The following CCDC136 variants were observed in gnomAD, a reference collection of about 807,000 sequenced individuals.
The protein encoded by CCDC136 is coiled-coil domain-containing protein 136.
CCDC136 carries 100 observed loss-of-function variants against 141.2 expected under a neutral mutation model. The ratio of observed to expected loss-of-function variants is 0.71; its 90% CI spans 0.60 to 0.84. CCDC136 has a LOEUF of 0.84. Ranked by LOEUF, CCDC136 falls within the 40% of genes least tolerant of loss-of-function variation. CCDC136 has a pLI of 0.00. For synonymous variants in CCDC136, 474 were observed against 531.9 expected, an observed-to-expected ratio of 0.89 and a Z score of 1.50; for missense variants, 1,206 against 1,379.4, an observed-to-expected ratio of 0.87 and a Z score of 1.99.
At chr7:128,808,267 C>T (rs1805174867) in intron 10 of CCDC136, among the ~76,000 whole-genome samples, 1 of 152,164 alleles carries the variant, frequency 6.6e-6, no homozygotes. Context: ...GAACTCCTGA[C>T]CTCAGGTGAT....
In CCDC136 at chr7:128,805,363, CAG is replaced by C; in HGVS notation, c.792_793del (p.Arg264SerfsTer29). On this transcript the variant is annotated frameshift_variant, in exon 6 of 18. Transcript: ENST00000297788. LOFTEE classifies it high-confidence loss of function. The surrounding 1 kb of genome is among the most constrained non-coding windows in gnomAD (Gnocchi z 4.6). Reference sequence around the variant, plus strand: ...CTCTGCGGTTCTGAATTGCAGGACACAGAGAGCAACAGAGAGATGGCTGCAGT... The same window carrying C: ...CTCTGCGGTTCTGAATTGCAGGACACAGAGCAACAGAGAGATGGCTGCAGT... ...QLADLESERT[Q>X]RATERWLQSQ... 6.2e-7 allele frequency: 1 copy of C among 1,613,698 alleles called. No individual in the cohort carries two copies.
Position 128,814,077 on chromosome 7 carries a change from C to T in CCDC136, c.2764-561C>T, listed in dbSNP as rs187485807. Among the ~76,000 whole-genome samples, 14 of 152,012 alleles carry T rather than the reference C, an allele frequency of 9.2e-5. No individual in the cohort carries two copies. In the East Asian group the frequency reaches 2.5e-3, roughly 27 times the overall value. ...TCACAGTAGAAAACACCATTTAAATCATTGTTTTGACCTTCTTTTTTTTTT... is the reference window on the plus strand; with the variant it reads ...TCACAGTAGAAAACACCATTTAAATTATTGTTTTGACCTTCTTTTTTTTTT... On this transcript the variant is annotated intron_variant, in intron 14 of 17. Coordinates refer to ENST00000297788, the MANE Select transcript of CCDC136 (RefSeq NM_022742.5).
In CCDC136 at chr7:128,794,752, G is replaced by A. The variant is rs2128893795; in HGVS notation, c.330G>A (p.Gln110=). ...SAQQAEVFTK[Q]IQQLQGELRS... is the part of the protein sequence containing the mutation. The stretch of plus-strand genomic sequence containing the variant: ...AGCAGGCAGAGGTGTTCACCAAGCA[G>A]ATCCAGCAGCTCCAAGGTAATTCCC... The change falls in exon 3 of 18, where the codon CAG becomes CAA. Residue 110 remains glutamine (Q), a synonymous_variant. Transcript: ENST00000297788. The surrounding 1 kb of genome is among the most constrained non-coding windows in gnomAD (Gnocchi z 4.3). 6.4e-7 allele frequency: 1 copy of A among 1,551,748 alleles called. No individual in the cohort carries two copies. The highest frequency in any genetic ancestry group is 1.2e-5 in the South Asian group (1 of 84,062).
Position 128,815,679 on chromosome 7 carries a change from G to C in CCDC136, c.3111G>C (p.Glu1037Asp). The stretch of plus-strand genomic sequence containing the variant: ...AATTAGATGGACTAGCAAAAGAGGA[G>C]GAAAAGAAAGAGGAGATGGAGGAGG... ...QRKLDGLAKE[E>D]EKKEEMEEEK... The change falls in exon 16 of 18, where the codon GAG becomes GAC. Residue 1037 changes from glutamate to aspartate, a missense_variant. Physicochemically the swap from Glu to Asp is conservative, Grantham distance 45 (BLOSUM62 2). Transcript: ENST00000297788. 6.4e-7 allele frequency: 1 copy of C among 1,555,510 alleles called. No homozygotes were observed. Among genetic ancestry groups the C allele is most frequent in the Middle Eastern group, 1.7e-4 (1 of 5,994 alleles).
At chr7:128,796,614 G>A (rs1802983470) in intron 3 of CCDC136, among the ~76,000 whole-genome samples, 1 of 151,546 alleles carries the variant, frequency 6.6e-6, no homozygotes, top group African/African-American at 2.4e-5. Flanking sequence ...CACTTAAGAT[G>A]GAGGGAAGTG....
Position 128,792,115 on chromosome 7 carries a change from C to T in CCDC136, c.-297C>T, listed in dbSNP as rs1802264223. ...TGCAAGCAAGAGGGTCCTGGAACAG[C>T]GGGTTCTGAGGAGGCTGGGAGGCAG... On this transcript the variant is annotated 5_prime_UTR_variant, in exon 1 of 18. Transcript: ENST00000297788. The T allele has an allele frequency of 1.4e-6, 2 of 1,400,466 alleles. No individual in the cohort carries two copies. The highest frequency in any genetic ancestry group is 1.8e-6 in the Non-Finnish European group (2 of 1,082,372). 86.8% of individuals were successfully genotyped at this position (1,400,466 alleles called of 1,614,324 possible).
chr7:128,798,573 C>T (rs1401124049), intron 3 of CCDC136, among the ~76,000 whole-genome samples: 1 of 151,836 alleles, frequency 6.6e-6, no homozygotes, highest in Non-Finnish European at 1.5e-5. Flanking sequence ...TTTTTTAGGG[C>T]CAGAAGCACC....
chr7:128,815,482 A>G, intron 15 of CCDC136, 132 bp from the exon 16 acceptor site: 3 of 1,017,852 alleles, frequency 2.9e-6, no homozygotes, highest in Non-Finnish European at 4.2e-6. Context: ...TCACAGTCCC[A>G]GAGCACCGGG....
At chr7:128,803,359 A>G (rs1264642541) in intron 4 of CCDC136, among the ~76,000 whole-genome samples, 3 of 152,192 alleles carry the variant, frequency 2.0e-5, no homozygotes, top group Admixed American at 2.0e-4. Context: ...TTGTATCATC[A>G]CAGCCTTAAA....
upstream of CCDC136, chr7:128,791,906 G>A: frequency 1.9e-6 from 1 of 525,228 alleles, no homozygotes; most frequent in Non-Finnish European, 2.7e-6. This position sits in a 1 kb window ranked among gnomAD's most constrained non-coding sequence, Gnocchi z 7.1. Context: ...GAGAATGGGA[G>A]GAGAGGGGAG....
chr7:128,803,967 G>A (rs1357967393), intron 4 of CCDC136, among the ~76,000 whole-genome samples: 5 of 152,008 alleles, frequency 3.3e-5, no homozygotes, highest in African/African-American at 1.2e-4. Flanking sequence ...GGCATGCACC[G>A]CCACGCCTGG....
chr7:128,809,273 G>A (rs1805334946), intron 10 of CCDC136, 177 bp from the exon 11 acceptor site: 2 of 567,346 alleles, frequency 3.5e-6, no homozygotes, highest in Non-Finnish European at 6.3e-6. Context: ...GCCTGCAGGG[G>A]ATCCCCAATC....
Position 128,794,690 on chromosome 7 carries a change from G to A in CCDC136, c.272-4G>A. On this transcript the variant is annotated splice_region_variant and splice_polypyrimidine_tract_variant and intron_variant, in intron 2 of 17. Transcript: ENST00000297788. The surrounding 1 kb of genome is among the most constrained non-coding windows in gnomAD (Gnocchi z 4.3). ...GCTTGACACTGGTGCCCCTCTCCCT[G>A]CAGGGCTCCTGGAGGATGAACGGCT... 1.3e-6 allele frequency: 2 copies of A among 1,551,164 alleles called. No homozygotes were observed. The highest frequency in any genetic ancestry group is 1.7e-6 in the Non-Finnish European group (2 of 1,146,696).
chr7:128,816,404 T>C (rs1349842196), intron 16 of CCDC136, among the ~76,000 whole-genome samples: 1 of 152,202 alleles, frequency 6.6e-6, no homozygotes, highest in Non-Finnish European at 1.5e-5. Context: ...TGTCAGGGGA[T>C]AATCTCTTCT....
rs545748655 is a variant in CCDC136, at chr7:128,821,881, A to C, written c.*88A>C. 5.6e-5 allele frequency: 72 copies of C among 1,290,124 alleles called. No individual in the cohort carries two copies. The highest frequency in any genetic ancestry group is 4.3e-4 in the Middle Eastern group (2 of 4,696). 79.9% of individuals were successfully genotyped at this position (1,290,124 alleles called of 1,614,324 possible). ...TATGTGTTACCCAACATGCGACAGC[A>C]GGAGTCAGAGTTCTGCCTCATGGAG... On this transcript the variant is annotated 3_prime_UTR_variant, in exon 18 of 18. Transcript: ENST00000297788. The surrounding 1 kb of genome is among the most constrained non-coding windows in gnomAD (Gnocchi z 5.1).
chr7:128,810,760 G>A (rs1055919544), intron 12 of CCDC136, among the ~76,000 whole-genome samples: 1 of 152,182 alleles, frequency 6.6e-6, no homozygotes, highest in Non-Finnish European at 1.5e-5. Context: ...TCTTTTTCTT[G>A]AGTGGAAAAG....
intron 11 of CCDC136, 66 bp downstream of exon 11, chr7:128,809,710 AGGGAAAAATAAAAGGGTG>A (rs1183122461): frequency 8.3e-7 from 1 of 1,206,918 alleles, no homozygotes; most frequent in African/African-American, 1.6e-5. Flanking sequence ...CTGTGTGACT[AGGGAAAAATAAAAGGGTG>A]GGGATTGAAC....
chr7:128,804,821 G>A (rs1180182034), intron 5 of CCDC136, 60 bp downstream of exon 5: 1 of 1,106,874 alleles, frequency 9.0e-7, no homozygotes, highest in Non-Finnish European at 1.3e-6. Flanking sequence ...GCCTTACCTT[G>A]GGCTTTCCCT....
chr7:128,807,295 T>C, intron 9 of CCDC136, 65 bp from the exon 10 acceptor site: 1 of 1,257,042 alleles, frequency 8.0e-7, no homozygotes, highest in African/African-American at 1.6e-5. Flanking sequence ...AGTCCCCGCC[T>C]GGGAGGAGAG....
Sources: allele counts gnomAD v4.1 joint callset (sites outside exome capture counted in the v4.1 genomes callset), GRCh38; gene constraint gnomAD v4.1.1; non-coding constraint Gnocchi (gnomAD v3.1); transcripts MANE v1.5; gene names NCBI Gene and HGNC (gene_info 2026-07-23, HGNC 2026-07-21).